Variants in PRIM2 observed in about 807,000 individuals in gnomAD.
PRIM2 encodes DNA primase large subunit.
PRIM2 carries 39 observed loss-of-function variants against 67.3 expected under a neutral mutation model. That is an observed-to-expected ratio of 0.58 (90% CI 0.45 to 0.76). The LOEUF is 0.76. PRIM2 is among the 30% of genes least tolerant of loss of function. The pLI, the probability that PRIM2 is intolerant of heterozygous loss-of-function variation, is 0.00. For missense variants in PRIM2, 398 were observed against 598.7 expected, an observed-to-expected ratio of 0.66 and a Z score of 3.50; for synonymous variants, 143 against 198.7, an observed-to-expected ratio of 0.72 and a Z score of 2.36.
chr6:57,348,749 T>C (rs1334019776), intron 5 of PRIM2, among the ~76,000 whole-genome samples: 2 of 2,784 alleles, frequency 7.2e-4, no homozygotes, highest in East Asian at 0.013. Flanking sequence ...TTCCTGCCCT[T>C]TTTTTTTTTT....
chr6:57,381,727 A>C (rs527296311), intron 6 of PRIM2, among the ~76,000 whole-genome samples: 2 of 152,316 alleles, frequency 1.3e-5, no homozygotes, highest in African/African-American at 4.8e-5. Context: ...TCTTGAGTTA[A>C]GAGTTTGAAA....
chr6:57,227,641 C>CAA, the PRIM2 span, among the ~76,000 whole-genome samples: 5,892 of 83,986 alleles, frequency 0.07, 196 homozygotes, highest in Non-Finnish European at 0.11. Context: ...GAGACCATCT[C>CAA]AAAAAAAAAA....
chr6:57,375,816 A>G (rs1406376682), intron 5 of PRIM2, among the ~76,000 whole-genome samples: 1 of 152,034 alleles, frequency 6.6e-6, no homozygotes, highest in Non-Finnish European at 1.5e-5. Flanking sequence ...TTATGCCTGT[A>G]ATCTTAGCCT....
chr6:57,382,393 A>G lies in PRIM2; in HGVS notation c.693+225A>G, dbSNP rs368112993. ...TTTTTTCTTGATCCTACTAATACCA[A>G]TGCTGAGTGATTAATTTTGTGAGTA... is the stretch of plus-strand genomic sequence containing the variant. On this transcript the variant is annotated intron_variant, in intron 7 of 13. Transcript: ENST00000615550. The G allele has an allele frequency of 2.4e-4, 87 of 367,622 alleles. 1 individual carries two copies. Among genetic ancestry groups the G allele is most frequent in the African/African-American group, 1.6e-3 (78 of 48,058 alleles). 22.8% of individuals were successfully genotyped at this position (367,622 alleles called of 1,614,324 possible). A position where few individuals can be genotyped will look rare whatever the true frequency, so the allele number is the denominator to read the frequency against.
At chr6:57,575,378 A>T (rs1775944652) in intron 10 of PRIM2, among the ~76,000 whole-genome samples, 1 of 152,190 alleles carries the variant, frequency 6.6e-6, no homozygotes, top group African/African-American at 2.4e-5. Flanking sequence ...CACAACTATG[A>T]TGTATTTGCT....
intron 5 of PRIM2, among the ~76,000 whole-genome samples, chr6:57,356,004 G>A (rs1769018210): frequency 6.6e-6 from 1 of 152,122 alleles, no homozygotes; most frequent in Admixed American, 6.6e-5. Context: ...AATGTTTGGG[G>A]TTTTGCATTC....
intron 10 of PRIM2, among the ~76,000 whole-genome samples, chr6:57,568,248 T>G (rs1775787538): frequency 2.6e-5 from 4 of 152,180 alleles, no homozygotes; most frequent in Non-Finnish European, 1.5e-5. Flanking sequence ...GGAAAATATG[T>G]TTTTCCGTGA....
At chr6:57,643,704 A>C (rs1426800864) in intron 13 of PRIM2, among the ~76,000 whole-genome samples, 1 of 152,250 alleles carries the variant, frequency 6.6e-6, no homozygotes, top group African/African-American at 2.4e-5. Context: ...AAATGATTCC[A>C]TTGTTAATAA....
chr6:57,405,234 T>C (rs1161601498), intron 7 of PRIM2, among the ~76,000 whole-genome samples: 1 of 152,306 alleles, frequency 6.6e-6, no homozygotes, highest in Non-Finnish European at 1.5e-5. Flanking sequence ...CTTCGGTCAC[T>C]ACAAAGAAAG....
intron 12 of PRIM2, among the ~76,000 whole-genome samples, chr6:57,609,772 T>G (rs1776631213): frequency 1.3e-5 from 2 of 152,200 alleles, no homozygotes; most frequent in African/African-American, 4.8e-5. Context: ...AATATCTTGC[T>G]TTTATTTGAT....
At chr6:57,405,353 C>G (rs1770852290) in intron 7 of PRIM2, among the ~76,000 whole-genome samples, 1 of 150,316 alleles carries the variant, frequency 6.7e-6, no homozygotes, top group African/African-American at 2.4e-5. Flanking sequence ...TTAACAGTGA[C>G]TGGACATTGT....
intron 10 of PRIM2, among the ~76,000 whole-genome samples, chr6:57,594,840 C>T (rs1322948134): frequency 6.6e-6 from 1 of 152,122 alleles, no homozygotes; most frequent in African/African-American, 2.4e-5. Flanking sequence ...AAGATAACAT[C>T]AAGTTGATAA....
chr6:57,557,542 T>C (rs1442141245), intron 10 of PRIM2, among the ~76,000 whole-genome samples: 2 of 152,130 alleles, frequency 1.3e-5, no homozygotes, highest in African/African-American at 4.8e-5. Flanking sequence ...CTGCACATTC[T>C]CATTTATAAG....
chr6:57,374,273 C>CTATTTATT (rs60492288), intron 5 of PRIM2, among the ~76,000 whole-genome samples: 8,236 of 131,992 alleles, frequency 0.062, 385 homozygotes, highest in African/African-American at 0.11. Context: ...TATAGGAATG[C>CTATTTATT]TATTTATTTA....
intron 7 of PRIM2, among the ~76,000 whole-genome samples, chr6:57,502,509 T>C (rs1774155548): frequency 6.6e-6 from 1 of 152,226 alleles, no homozygotes; most frequent in Non-Finnish European, 1.5e-5. Flanking sequence ...GCGATTTTTT[T>C]ACACGTGACT....
At chr6:57,237,647 T>C in the PRIM2 span, among the ~76,000 whole-genome samples, 1 of 152,302 alleles carries the variant, frequency 6.6e-6, no homozygotes, top group South Asian at 2.1e-4. Flanking sequence ...TAGCCAGTTT[T>C]CCCAGCACCA....
the PRIM2 span, among the ~76,000 whole-genome samples, chr6:57,275,021 G>A: frequency 1.3e-4 from 19 of 150,290 alleles, no homozygotes; most frequent in Non-Finnish European, 2.2e-4. Context: ...TCCTGATCTC[G>A]TGATCCACCT....
chr6:57,337,850 C>T (rs1444808566), intron 5 of PRIM2, among the ~76,000 whole-genome samples: 1 of 152,104 alleles, frequency 6.6e-6, no homozygotes, highest in Non-Finnish European at 1.5e-5. Flanking sequence ...CAAGAAATAA[C>T]TAACATCAGA....
At chr6:57,224,229 A>G in the PRIM2 span, among the ~76,000 whole-genome samples, 1 of 152,226 alleles carries the variant, frequency 6.6e-6, no homozygotes, top group Non-Finnish European at 1.5e-5. Context: ...TGAATCCAGG[A>G]GTTCAAGACC....
Sources: gnomAD v4.1 joint callset for allele counts (sites outside exome capture counted in the v4.1 genomes callset) on GRCh38, gnomAD v4.1.1 for gene constraint, MANE v1.5 for transcripts, NCBI Gene and HGNC (gene_info 2026-07-23, HGNC 2026-07-21) for gene names.